SLC35F3: variants seen among roughly 807,000 people sequenced by gnomAD.
SLC35F3 encodes the protein solute carrier family 35 member F3.
Under a neutral mutation model 49.9 loss-of-function variants are expected in SLC35F3, and 25 were observed. That is an observed-to-expected ratio of 0.50 (90% CI 0.37 to 0.70). SLC35F3 has a LOEUF of 0.70. SLC35F3 is among the 30% of genes least tolerant of loss of function. The probability of loss-of-function intolerance (pLI) is 0.00; values close to 1 mark genes in which losing one functional copy is unlikely to be tolerated. For missense variants in SLC35F3, 525 were observed against 639.8 expected, an observed-to-expected ratio of 0.82 and a Z score of 1.94; for synonymous variants, 275 against 265.4, an observed-to-expected ratio of 1.04 and a Z score of -0.35.
chr1:234,207,978 C>A (rs1185981956), intron 2 of SLC35F3, among the ~76,000 whole-genome samples: 1 of 152,138 alleles, frequency 6.6e-6, no homozygotes, highest in East Asian at 1.9e-4. Flanking sequence ...CATGGCACTG[C>A]AGCCTGGGCA....
At chr1:234,085,080 A>G (rs934156240) in intron 2 of SLC35F3, among the ~76,000 whole-genome samples, 2 of 152,256 alleles carry the variant, frequency 1.3e-5, no homozygotes, top group African/African-American at 4.8e-5. Flanking sequence ...AATGTCTAAA[A>G]TAGGCAAATC....
At chr1:234,198,389 A>G (rs1052724566) in intron 2 of SLC35F3, among the ~76,000 whole-genome samples, 1 of 152,172 alleles carries the variant, frequency 6.6e-6, no homozygotes, top group African/African-American at 2.4e-5. Context: ...GTACAGACAT[A>G]TGTTTTCTTT....
At chr1:234,042,490 C>A (rs1382606889) in intron 2 of SLC35F3, among the ~76,000 whole-genome samples, 1 of 151,956 alleles carries the variant, frequency 6.6e-6, no homozygotes, top group Non-Finnish European at 1.5e-5. Flanking sequence ...CAAATGACAG[C>A]CATAATCAAT....
intron 3 of SLC35F3, among the ~76,000 whole-genome samples, chr1:234,246,730 T>C (rs903633216): frequency 1.3e-5 from 2 of 152,168 alleles, no homozygotes; most frequent in African/African-American, 4.8e-5. Context: ...CTAGCATTAA[T>C]AAAAACCACA....
At chr1:234,015,964 A>G (rs1295185794) in intron 2 of SLC35F3, among the ~76,000 whole-genome samples, 1 of 152,266 alleles carries the variant, frequency 6.6e-6, no homozygotes, top group Non-Finnish European at 1.5e-5. Context: ...GCAAGAAAAC[A>G]AATAAATTAG....
chr1:234,062,984 C>T (rs962931477), intron 2 of SLC35F3, among the ~76,000 whole-genome samples: 8 of 151,906 alleles, frequency 5.3e-5, no homozygotes, highest in East Asian at 3.9e-4. Context: ...CCACCATGCC[C>T]GGCCTAGCAA....
intron 2 of SLC35F3, among the ~76,000 whole-genome samples, chr1:233,916,590 T>G (rs1358938682): frequency 6.6e-6 from 1 of 152,254 alleles, no homozygotes; most frequent in African/African-American, 2.4e-5. Flanking sequence ...ATTTCAAAGT[T>G]ACGTGTAAAT....
chr1:234,111,254 T>TA (rs1665401361), intron 2 of SLC35F3, among the ~76,000 whole-genome samples: 1 of 152,182 alleles, frequency 6.6e-6, no homozygotes, highest in Non-Finnish European at 1.5e-5. Context: ...CATGTGGACT[T>TA]GTTTGACTTT....
intron 2 of SLC35F3, among the ~76,000 whole-genome samples, chr1:234,140,664 CA>C (rs1388554124): frequency 6.6e-6 from 1 of 152,108 alleles, no homozygotes; most frequent in African/African-American, 2.4e-5. Flanking sequence ...GACGAACACT[CA>C]GGGGGATGCT....
At chr1:234,216,651 G>A (rs368585846) in intron 2 of SLC35F3, among the ~76,000 whole-genome samples, 5 of 152,242 alleles carry the variant, frequency 3.3e-5, no homozygotes, top group South Asian at 2.1e-4. Flanking sequence ...TGTGGATAAC[G>A]GAAATGTATA....
chr1:234,134,488 T>C (rs1297631583), intron 2 of SLC35F3, among the ~76,000 whole-genome samples: 1 of 148,660 alleles, frequency 6.7e-6, no homozygotes, highest in Non-Finnish European at 1.5e-5. Flanking sequence ...ATATAGATTA[T>C]ATTTGTATAT....
In SLC35F3 at chr1:234,186,746, AG is replaced by A. The variant is rs1377481446; in HGVS notation, c.284-44669del. ...CTCCGTAAAGTCAACATGCTGGACC[AG>A]GTATCCCATGTACATTAGCTCCTTT... On this transcript the variant is annotated intron_variant, in intron 2 of 7. Transcript: ENST00000366618. Among the ~76,000 whole-genome samples the A allele has an allele frequency of 5.9e-5, 9 of 152,310 alleles. No individual in the cohort carries two copies. In the South Asian group the frequency reaches 1.9e-3, roughly 32 times the overall value.
At chr1:234,235,541 A>G (rs930109047) in intron 3 of SLC35F3, among the ~76,000 whole-genome samples, 40 of 152,222 alleles carry the variant, frequency 2.6e-4, no homozygotes, top group African/African-American at 9.6e-4. Context: ...CAGATCTGAG[A>G]GGTCAGCAGA....
At chr1:234,162,209 G>A (rs1055685196) in intron 2 of SLC35F3, among the ~76,000 whole-genome samples, 1 of 151,656 alleles carries the variant, frequency 6.6e-6, no homozygotes, top group Admixed American at 6.6e-5. Flanking sequence ...CTTGCCACTG[G>A]TCAGTAGCAG....
chr1:233,973,930 A>G (rs978014052), intron 2 of SLC35F3, among the ~76,000 whole-genome samples: 1 of 152,138 alleles, frequency 6.6e-6, no homozygotes, highest in African/African-American at 2.4e-5. Context: ...AGACTTGGCT[A>G]GACAATTGAT....
intron 2 of SLC35F3, chr1:234,213,407 C>T (rs1169527490): frequency 6.6e-6 from 1 of 152,270 alleles, no homozygotes; most frequent in Non-Finnish European, 1.5e-5. Context: ...GAACACAAGG[C>T]CCTGGGAGTT....
chr1:233,918,382 A>G (rs1263524019), intron 2 of SLC35F3, among the ~76,000 whole-genome samples: 1 of 152,206 alleles, frequency 6.6e-6, no homozygotes, highest in Non-Finnish European at 1.5e-5. Flanking sequence ...AGACCTCAGC[A>G]GTGCACTGGG....
At chr1:234,050,164 A>C (rs557932550) in intron 2 of SLC35F3, among the ~76,000 whole-genome samples, 8 of 152,250 alleles carry the variant, frequency 5.3e-5, no homozygotes, top group Admixed American at 1.3e-4. Flanking sequence ...GTAATGGGAT[A>C]GCTGGGTCAA....
At chr1:234,081,684 G>A (rs1664877792) in intron 2 of SLC35F3, among the ~76,000 whole-genome samples, 1 of 151,832 alleles carries the variant, frequency 6.6e-6, no homozygotes, top group Admixed American at 6.6e-5. Context: ...CTCCATCAAA[G>A]CTTGTGTGCC....
Sources: allele counts gnomAD v4.1 joint callset (sites outside exome capture counted in the v4.1 genomes callset), GRCh38; gene constraint gnomAD v4.1.1; transcripts MANE v1.5; gene names NCBI Gene and HGNC (gene_info 2026-07-23, HGNC 2026-07-21).